PTPRD: variants seen among roughly 807,000 people sequenced by gnomAD.
The protein encoded by PTPRD is receptor-type tyrosine-protein phosphatase delta.
In PTPRD, 34 loss-of-function variants were observed where a neutral mutation model predicts 214.5. The observed-to-expected ratio is 0.16, with a 90% confidence interval of 0.12 to 0.21. PTPRD has a LOEUF of 0.21. Among genes scored for constraint, PTPRD ranks in the 10% least tolerant of loss-of-function variants. The probability of loss-of-function intolerance (pLI) is 1.00; values close to 1 mark genes in which losing one functional copy is unlikely to be tolerated. For missense variants in PTPRD, 2,545 were observed against 2,398.7 expected (o/e 1.06, Z -1.27); for synonymous variants, 1,128 against 845.7 (o/e 1.33, Z -5.79).
At chr9:9,810,122 T>G (rs1368259049) in intron 5 of PTPRD, among the ~76,000 whole-genome samples, 1 of 105,118 alleles carries the variant, frequency 9.5e-6, no homozygotes, top group Non-Finnish European at 1.7e-5. Flanking sequence ...TATCATGATC[T>G]ACTTCCAGGT....
intron 3 of PTPRD, among the ~76,000 whole-genome samples, chr9:10,197,514 A>T (rs1027149969): frequency 6.6e-6 from 1 of 152,172 alleles, no homozygotes; most frequent in African/African-American, 2.4e-5. Flanking sequence ...TAGCAAATTC[A>T]TGCTTTACTT....
intron 4 of PTPRD, among the ~76,000 whole-genome samples, chr9:9,962,807 A>G (rs1020186597): frequency 6.6e-6 from 1 of 152,126 alleles, no homozygotes; most frequent in African/African-American, 2.4e-5. Context: ...CTTAGCAGAA[A>G]TATAAGAGTT....
intron 10 of PTPRD, among the ~76,000 whole-genome samples, chr9:9,057,494 G>A (rs2099698537): frequency 6.6e-6 from 1 of 152,048 alleles, no homozygotes; most frequent in Admixed American, 6.5e-5. Flanking sequence ...ATTCCACTAT[G>A]ACAAAAATGA....
intron 8 of PTPRD, among the ~76,000 whole-genome samples, chr9:9,462,605 GGCCTGTTCTAGTT>G (rs1292951258): frequency 6.6e-6 from 1 of 152,052 alleles, no homozygotes; most frequent in Non-Finnish European, 1.5e-5. Flanking sequence ...CCTCCAGGGT[GGCCTGTTCTAGTT>G]GCCTCGTTGT....
intron 9 of PTPRD, among the ~76,000 whole-genome samples, chr9:9,319,860 T>C (rs1156445435): frequency 6.6e-6 from 1 of 152,160 alleles, no homozygotes; most frequent in Non-Finnish European, 1.5e-5. Flanking sequence ...TTAGCCAGTC[T>C]CTATAACAAA....
intron 3 of PTPRD, among the ~76,000 whole-genome samples, chr9:10,252,539 TCCC>T (rs1415107434): frequency 2.6e-5 from 4 of 152,216 alleles, no homozygotes; most frequent in Non-Finnish European, 4.4e-5. Context: ...ACCCAGTCAC[TCCC>T]AGAGTAATAA....
chr9:10,329,599 T>G (rs2096712392), intron 3 of PTPRD, among the ~76,000 whole-genome samples: 1 of 151,802 alleles, frequency 6.6e-6, no homozygotes, highest in Non-Finnish European at 1.5e-5. Context: ...GCTTAATGTC[T>G]TGTGGTTAAG....
intron 9 of PTPRD, among the ~76,000 whole-genome samples, chr9:9,343,032 T>C (rs937007690): frequency 6.6e-6 from 1 of 152,174 alleles, no homozygotes. Context: ...AGTTTCCAGC[T>C]TCATCCATGT....
chr9:9,204,604 G>C, intron 9 of PTPRD, among the ~76,000 whole-genome samples: 1 of 152,170 alleles, frequency 6.6e-6, no homozygotes, highest in Middle Eastern at 3.4e-3. Flanking sequence ...CAGATGAAAT[G>C]TTTACATTGC....
At chr9:9,992,268 A>G (rs113367420) in intron 4 of PTPRD, among the ~76,000 whole-genome samples, 2,228 of 152,324 alleles carry the variant, frequency 0.015, 46 homozygotes, top group Middle Eastern at 0.02. Context: ...TAAAGCTACT[A>G]AAAGTTAGAT....
rs548190348 is a variant in PTPRD, at chr9:10,587,568, A to T, written c.-600+24830T>A. Among the ~76,000 whole-genome samples, 22 of 152,184 alleles carry T rather than the reference A, an allele frequency of 1.4e-4. No individual in the cohort carries two copies. The South Asian group carries it at 4.6e-3, about 32-fold the overall frequency. ...CTTATGAGGAGTTGGTTTTGTTAAA[A>T]ATACCTGATCCAGATTATTGCATTT... On this transcript the variant is annotated intron_variant, in intron 2 of 45. Transcript: ENST00000381196.
At chr9:9,593,142 GAAAGA>G (rs56345527) in intron 7 of PTPRD, among the ~76,000 whole-genome samples, 2 of 145,930 alleles carry the variant, frequency 1.4e-5, no homozygotes, top group East Asian at 2.0e-4. Context: ...AAAGGAAAGG[GAAAGA>G]AAAGAAAAGA....
chr9:9,979,208 G>A (rs1477601444), intron 4 of PTPRD, among the ~76,000 whole-genome samples: 2 of 151,838 alleles, frequency 1.3e-5, no homozygotes, highest in African/African-American at 4.8e-5. Flanking sequence ...GTCAAAAATG[G>A]TAAAAATGAG....
At chr9:10,393,773 G>C (rs1331961693) in intron 2 of PTPRD, among the ~76,000 whole-genome samples, 1 of 147,582 alleles carries the variant, frequency 6.8e-6, no homozygotes, top group Non-Finnish European at 1.5e-5. Context: ...ATCTAATCAA[G>C]TGATCCCAAA....
chr9:9,664,281 T>C (rs2096674033), intron 7 of PTPRD, among the ~76,000 whole-genome samples: 1 of 151,532 alleles, frequency 6.6e-6, no homozygotes, highest in Non-Finnish European at 1.5e-5. Flanking sequence ...TAACTGCTAT[T>C]AGTGAATAAC....
intron 4 of PTPRD, among the ~76,000 whole-genome samples, chr9:9,978,111 C>CACACGCACACAG (rs1193726014): frequency 5.9e-5 from 9 of 152,050 alleles, no homozygotes; most frequent in African/African-American, 1.4e-4. Context: ...CACACACACA[C>CACACGCACACAG]ACACGTGGGA....
chr9:9,205,408 C>T (rs1321282488), intron 9 of PTPRD, among the ~76,000 whole-genome samples: 1 of 152,098 alleles, frequency 6.6e-6, no homozygotes, highest in Non-Finnish European at 1.5e-5. Context: ...TCATGTATAT[C>T]TAATTATAAA....
intron 8 of PTPRD, among the ~76,000 whole-genome samples, chr9:9,569,966 T>C (rs1383298292): frequency 6.6e-6 from 1 of 151,462 alleles, no homozygotes; most frequent in South Asian, 2.1e-4. Flanking sequence ...ACTGAACTAG[T>C]TTTTCAGAAA....
At chr9:8,466,187 T>G (rs916306179) in intron 31 of PTPRD, among the ~76,000 whole-genome samples, 12 of 152,038 alleles carry the variant, frequency 7.9e-5, no homozygotes, top group African/African-American at 2.4e-4. Flanking sequence ...AGAAGCAGAA[T>G]CCAATAAACA....
Sources: allele counts gnomAD v4.1 joint callset (sites outside exome capture counted in the v4.1 genomes callset), GRCh38; gene constraint gnomAD v4.1.1; transcripts MANE v1.5; gene names NCBI Gene and HGNC (gene_info 2026-07-23, HGNC 2026-07-21).